GGA2: variants seen among roughly 807,000 people sequenced by gnomAD.
The protein encoded by GGA2 is ADP-ribosylation factor-binding protein GGA2.
Under a neutral mutation model 79.5 loss-of-function variants are expected in GGA2, and 48 were observed. That is an observed-to-expected ratio of 0.60 (90% confidence interval 0.48 to 0.77). GGA2 has a LOEUF of 0.77. GGA2 is among the 30% of genes least tolerant of loss of function. The probability of loss-of-function intolerance (pLI) is 0.00; values close to 1 mark genes in which losing one functional copy is unlikely to be tolerated. For missense variants in GGA2, 770 were observed against 774.0 expected (o/e 0.99, Z 0.06); for synonymous variants, 317 against 302.0 (o/e 1.05, Z -0.51).
chr16:23,501,165 T>TTC (rs1419578099), intron 1 of GGA2: 1 of 441,388 alleles, frequency 2.3e-6, no homozygotes, highest in Non-Finnish European at 4.5e-6. Flanking sequence ...CAACTGTACT[T>TTC]TCAGACATTT....
Position 23,482,529 on chromosome 16 carries a change from C to T in GGA2, c.880+394G>A, listed in dbSNP as rs187436775. Reference sequence around the variant, plus strand: ...TACAGATGTACCTTCCATTTCCCATCGGCCTGGCCCTCTTAGTTGACCTAC... The same window carrying T: ...TACAGATGTACCTTCCATTTCCCATTGGCCTGGCCCTCTTAGTTGACCTAC... On this transcript the variant is annotated intron_variant, in intron 9 of 16. Coordinates refer to ENST00000309859, the MANE Select transcript of GGA2 (RefSeq NM_015044.4). 3.3e-3 allele frequency among the ~76,000 whole-genome samples: 507 copies of T among 152,284 alleles called. 5 individuals are homozygous for T. The highest frequency in any genetic ancestry group is 5.9e-3 in the Non-Finnish European group (403 of 68,036).
chr16:23,509,075 C>T (rs530455577), intron 1 of GGA2, among the ~76,000 whole-genome samples: 11 of 152,170 alleles, frequency 7.2e-5, no homozygotes, highest in Non-Finnish European at 1.5e-4. Flanking sequence ...TGAAGTCTCA[C>T]CCTCTCCGCC....
chr16:23,510,440 G>A lies in GGA2; in HGVS notation c.-29C>T, dbSNP rs750614316. ...TCCAGCCCCGACGCTGCGGCCGCGGGCGCCACTGCCTCTTCAGCCGCTGTA... is the reference window on the plus strand; with the variant it reads ...TCCAGCCCCGACGCTGCGGCCGCGGACGCCACTGCCTCTTCAGCCGCTGTA... On this transcript the variant is annotated 5_prime_UTR_variant, in exon 1 of 17. Coordinates refer to ENST00000309859, the MANE Select transcript of GGA2 (RefSeq NM_015044.4). 81 of 915,134 alleles carry A rather than the reference G, an allele frequency of 8.9e-5. No individual in the cohort carries two copies. The highest frequency in any genetic ancestry group is 3.7e-4 in the Middle Eastern group (1 of 2,734). The allele number at this position is 915,134 out of a possible 1,614,324, so 56.7% of individuals were successfully genotyped here.
intron 13 of GGA2, among the ~76,000 whole-genome samples, chr16:23,476,634 G>A (rs774605658): frequency 2.6e-5 from 4 of 152,214 alleles, no homozygotes; most frequent in Non-Finnish European, 4.4e-5. Context: ...ATGCTGGAGT[G>A]CGGTTTATAA....
chr16:23,510,480 T>C lies in GGA2; in HGVS notation c.-69A>G. 1.8e-6 allele frequency: 1 copy of C among 568,422 alleles called. No homozygotes were observed. Among genetic ancestry groups the C allele is most frequent in the Non-Finnish European group, 2.7e-6 (1 of 375,152 alleles). 35.2% of individuals were successfully genotyped at this position (568,422 alleles called of 1,614,324 possible). ...CAGCCGCTGTAGCGTCCTGGCGCTC[T>C]CCTCTGCTGACTGCGCGGCAGGAGC... On this transcript the variant is annotated 5_prime_UTR_variant, in exon 1 of 17. Transcript: ENST00000309859.
chr16:23,486,842 A>G (rs761217147), intron 6 of GGA2, 52 bp from the exon 7 acceptor site: 2 of 1,024,192 alleles, frequency 2.0e-6, no homozygotes, highest in African/African-American at 1.6e-5. Context: ...CCTCAGGCCT[A>G]GAGCAGAAGC....
chr16:23,484,825 T>C (rs990766297), intron 8 of GGA2, among the ~76,000 whole-genome samples: 2 of 152,190 alleles, frequency 1.3e-5, no homozygotes, highest in African/African-American at 2.4e-5. Flanking sequence ...ATGTTAAATA[T>C]GGAGTTACCC....
chr16:23,479,522 A>G (rs944445068), intron 11 of GGA2, among the ~76,000 whole-genome samples: 1 of 145,870 alleles, frequency 6.9e-6, no homozygotes, highest in Non-Finnish European at 1.5e-5. Context: ...CCCTACTCAC[A>G]CTCTCCCTGA....
intron 5 of GGA2, among the ~76,000 whole-genome samples, chr16:23,489,978 AC>A (rs1964762639): frequency 6.6e-6 from 1 of 152,194 alleles, no homozygotes; most frequent in Admixed American, 6.5e-5. Flanking sequence ...AACAGATCCT[AC>A]CAAGACCCAG....
At chr16:23,490,935 G>A (rs1270160733) in intron 5 of GGA2, among the ~76,000 whole-genome samples, 1 of 152,010 alleles carries the variant, frequency 6.6e-6, no homozygotes. Context: ...GGTTAAAGAT[G>A]GGCATGGTGG....
chr16:23,478,331 G>T, intron 13 of GGA2, 37 bp downstream of exon 13: 1 of 1,526,464 alleles, frequency 6.6e-7, no homozygotes. Context: ...GCACTCAGGA[G>T]CCACACTCTC....
chr16:23,479,500 T>A (rs1297964474), intron 11 of GGA2, among the ~76,000 whole-genome samples: 1 of 137,100 alleles, frequency 7.3e-6, no homozygotes, highest in Non-Finnish European at 1.5e-5. Context: ...TCTCCGAGGG[T>A]CCAGCTCACT....
At chr16:23,505,983 A>G (rs1964970228) in intron 1 of GGA2, among the ~76,000 whole-genome samples, 1 of 152,158 alleles carries the variant, frequency 6.6e-6, no homozygotes, top group African/African-American at 2.4e-5. Context: ...TTGCAGCTAT[A>G]AAAGCCTAAT....
chr16:23,476,281 T>G (rs1345328065), intron 13 of GGA2, among the ~76,000 whole-genome samples: 1 of 152,190 alleles, frequency 6.6e-6, no homozygotes, highest in African/African-American at 2.4e-5. Context: ...CAAATGGGAA[T>G]GAACTCCCAG....
chr16:23,504,583 G>A (rs1964954390), intron 1 of GGA2, among the ~76,000 whole-genome samples: 1 of 152,180 alleles, frequency 6.6e-6, no homozygotes, highest in Admixed American at 6.5e-5. Flanking sequence ...GAAGACTTGA[G>A]CAGCTCCAAA....
upstream of GGA2, among the ~76,000 whole-genome samples, chr16:23,511,190 TCGC>T (rs1334844924): frequency 1.3e-5 from 2 of 152,146 alleles, no homozygotes; most frequent in African/African-American, 4.8e-5. Flanking sequence ...TCTCACTCTG[TCGC>T]CTAGGCTGGA....
At chr16:23,480,137 G>A in intron 10 of GGA2, 2 of 470,220 alleles carry the variant, frequency 4.3e-6, no homozygotes, top group South Asian at 4.5e-5. Flanking sequence ...CATCACTCTG[G>A]AGGAAAGCAG....
chr16:23,518,280 C>A (rs1472193214), intron 2 of GGA2, among the ~76,000 whole-genome samples: 1 of 152,178 alleles, frequency 6.6e-6, no homozygotes, highest in Non-Finnish European at 1.5e-5. Flanking sequence ...ACAGACACAG[C>A]TCACTGCTGC....
chr16:23,474,626 C>T (rs1485017673), intron 14 of GGA2, among the ~76,000 whole-genome samples: 4 of 151,666 alleles, frequency 2.6e-5, no homozygotes, highest in Non-Finnish European at 5.9e-5. Context: ...CAATTTTTTT[C>T]TTCCCCCCCA....
Sources: allele counts gnomAD v4.1 joint callset (sites outside exome capture counted in the v4.1 genomes callset), GRCh38; gene constraint gnomAD v4.1.1; transcripts MANE v1.5; gene names NCBI Gene and HGNC (gene_info 2026-07-23, HGNC 2026-07-21).